Variants in RGS6 observed in about 807,000 individuals in gnomAD.
RGS6 encodes the protein regulator of G-protein signaling 6.
Under a neutral mutation model 78.5 loss-of-function variants are expected in RGS6, and 30 were observed. That is an observed-to-expected ratio of 0.38 (90% CI 0.29 to 0.52). The LOEUF is 0.52. Ranked by LOEUF, RGS6 falls within the 20% of genes least tolerant of loss-of-function variation. The probability of loss-of-function intolerance (pLI) is 0.85; values close to 1 mark genes in which losing one functional copy is unlikely to be tolerated. For missense variants in RGS6, 495 were observed against 609.7 expected (o/e 0.81, Z 1.98); for synonymous variants, 206 against 206.0 (o/e 1.00, Z 0.00).
chr14:72,455,575 A>G (rs1026499260), intron 4 of RGS6, among the ~76,000 whole-genome samples: 5 of 152,026 alleles, frequency 3.3e-5, no homozygotes, highest in Non-Finnish European at 7.3e-5. Flanking sequence ...AGTGCCAGAA[A>G]AGCAGATCAT....
At chr14:71,938,374 C>G (rs1342149974) in intron 1 of RGS6, among the ~76,000 whole-genome samples, 3 of 152,238 alleles carry the variant, frequency 2.0e-5, no homozygotes, top group Non-Finnish European at 2.9e-5. Flanking sequence ...GCTAGGTGCA[C>G]TGCTTGAAGT....
Position 72,117,659 on chromosome 14 carries a change from C to T in RGS6, c.84+152784C>T, listed in dbSNP as rs145683320. ...ATGGGGTAGGGAAGGACAGCCACAACATGGGGGACCTTGTGCATGGGTCAT... is the reference window on the plus strand; with the variant it reads ...ATGGGGTAGGGAAGGACAGCCACAATATGGGGGACCTTGTGCATGGGTCAT... On this transcript the variant is annotated intron_variant, in intron 2 of 17. Coordinates refer to ENST00000553525, the MANE Select transcript of RGS6 (RefSeq NM_001204424.2). Among the ~76,000 whole-genome samples the T allele has an allele frequency of 6.9e-3, 1,054 of 152,238 alleles. 36 individuals are homozygous for T. The highest frequency in any genetic ancestry group is 0.06 in the Admixed American group (920 of 15,288).
chr14:72,261,690 G>A (rs146703126), intron 2 of RGS6, among the ~76,000 whole-genome samples: 5 of 152,264 alleles, frequency 3.3e-5, no homozygotes, highest in African/African-American at 1.2e-4. Flanking sequence ...TCTCTCCACA[G>A]AAGGAGGCAC....
In RGS6 at chr14:72,510,313, T is replaced by A. The variant is rs755768823; in HGVS notation, c.1091+34T>A. 18 of 1,613,502 alleles carry A rather than the reference T, an allele frequency of 1.1e-5. No individual in the cohort carries two copies. In the East Asian group the frequency reaches 3.3e-4, roughly 30 times the overall value. Reference sequence around the variant, plus strand: ...CTCAAAGTTTGAGCTGTGTGCGGAATGTGTGTGAAGAAATTTGCATAATCG... The same window carrying A: ...CTCAAAGTTTGAGCTGTGTGCGGAAAGTGTGTGAAGAAATTTGCATAATCG... On this transcript the variant is annotated intron_variant, in intron 14 of 17. Coordinates refer to ENST00000553525, the MANE Select transcript of RGS6 (RefSeq NM_001204424.2).
intron 2 of RGS6, among the ~76,000 whole-genome samples, chr14:72,261,350 G>C (rs2058118837): frequency 6.6e-6 from 1 of 152,208 alleles, no homozygotes; most frequent in African/African-American, 2.4e-5. Flanking sequence ...GAGGGTAAAA[G>C]GAAAGGCTAC....
chr14:72,003,024 A>C (rs2083784134), intron 2 of RGS6, among the ~76,000 whole-genome samples: 1 of 152,208 alleles, frequency 6.6e-6, no homozygotes, highest in East Asian at 1.9e-4. Flanking sequence ...TTAGCATATA[A>C]ATCCTGAATT....
At chr14:72,315,681 A>T (rs1326218972) in intron 2 of RGS6, among the ~76,000 whole-genome samples, 1 of 152,192 alleles carries the variant, frequency 6.6e-6, no homozygotes, top group Non-Finnish European at 1.5e-5. Flanking sequence ...CAGATTAGGT[A>T]ATTTTATAAG....
At chr14:72,505,484 T>G (rs1598434818) in intron 13 of RGS6, among the ~76,000 whole-genome samples, 1 of 152,324 alleles carries the variant, frequency 6.6e-6, no homozygotes, top group East Asian at 1.9e-4. Flanking sequence ...ACGATCACAT[T>G]GTGGATCAAG....
At chr14:72,089,178 T>C (rs2158992) in intron 2 of RGS6, among the ~76,000 whole-genome samples, 127,789 of 152,212 alleles carry the variant, frequency 0.84, 53,982 homozygotes, top group Non-Finnish European at 0.89. Flanking sequence ...CAACAGTGAC[T>C]GGCACATGGA....
chr14:72,019,799 G>A (rs2087971528), intron 2 of RGS6, among the ~76,000 whole-genome samples: 1 of 152,144 alleles, frequency 6.6e-6, no homozygotes, highest in Non-Finnish European at 1.5e-5. Flanking sequence ...GTTAATGACT[G>A]GGGATGGACT....
intron 2 of RGS6, among the ~76,000 whole-genome samples, chr14:72,165,613 A>G (rs972820259): frequency 6.6e-6 from 1 of 152,200 alleles, no homozygotes; most frequent in Non-Finnish European, 1.5e-5. Flanking sequence ...GTGCTTGGAC[A>G]TCTTTCCACC....
At chr14:72,276,280 T>C (rs1464949344) in intron 2 of RGS6, among the ~76,000 whole-genome samples, 2 of 152,172 alleles carry the variant, frequency 1.3e-5, no homozygotes, top group African/African-American at 4.8e-5. Context: ...TTAAAATTAA[T>C]GGAAGGAGAG....
At chr14:72,425,664 CA>C (rs1368647938) in intron 3 of RGS6, among the ~76,000 whole-genome samples, 1 of 152,038 alleles carries the variant, frequency 6.6e-6, no homozygotes, top group Non-Finnish European at 1.5e-5. Context: ...AACAAGAATA[CA>C]AATCCAGCCT....
At chr14:71,878,249 CT>C in the RGS6 span, among the ~76,000 whole-genome samples, 6 of 152,174 alleles carry the variant, frequency 3.9e-5, no homozygotes, top group Admixed American at 3.9e-4. Context: ...TTTCTGATGC[CT>C]TTTATTCAGC....
chr14:72,241,959 G>A (rs574307823), intron 2 of RGS6, among the ~76,000 whole-genome samples: 6 of 152,136 alleles, frequency 3.9e-5, no homozygotes, highest in South Asian at 2.1e-4. Flanking sequence ...TTTTGAATTC[G>A]GAAACTTGAA....
the RGS6 span, among the ~76,000 whole-genome samples, chr14:71,871,121 C>T: frequency 6.6e-5 from 10 of 152,170 alleles, no homozygotes; most frequent in Non-Finnish European, 1.0e-4. Context: ...AGACCCTGTT[C>T]CCATAGACTG....
the RGS6 span, among the ~76,000 whole-genome samples, chr14:71,872,385 A>T: frequency 6.6e-6 from 1 of 151,920 alleles, no homozygotes; most frequent in Non-Finnish European, 1.5e-5. Context: ...GGAAAGGGGG[A>T]GTGATTCCTT....
intron 2 of RGS6, among the ~76,000 whole-genome samples, chr14:72,341,459 A>G (rs1399632389): frequency 1.3e-5 from 2 of 152,188 alleles, no homozygotes; most frequent in South Asian, 2.1e-4. Flanking sequence ...TATAATACAT[A>G]TGTATGCAAG....
intron 3 of RGS6, among the ~76,000 whole-genome samples, chr14:72,412,693 T>C (rs2093511159): frequency 1.3e-5 from 2 of 152,214 alleles, no homozygotes; most frequent in African/African-American, 4.8e-5. Flanking sequence ...GTGCTTTCTC[T>C]TGTGGGCATT....
Sources: allele counts gnomAD v4.1 joint callset (sites outside exome capture counted in the v4.1 genomes callset), GRCh38; gene constraint gnomAD v4.1.1; transcripts MANE v1.5; gene names NCBI Gene and HGNC (gene_info 2026-07-23, HGNC 2026-07-21).